The following PROCR variants were observed in gnomAD, a reference collection of about 807,000 sequenced individuals.
The protein encoded by PROCR is endothelial protein C receptor.
PROCR carries 22 observed loss-of-function variants against 24.2 expected under a neutral mutation model. The ratio of observed to expected loss-of-function variants is 0.91; its 90% CI spans 0.65 to 1.30. The LOEUF (loss-of-function observed/expected upper bound fraction) is 1.30. Among genes scored for constraint, PROCR ranks in the 50% most tolerant of loss-of-function variants. The pLI is 0.00. For synonymous variants in PROCR, 137 were observed against 139.2 expected, an observed-to-expected ratio of 0.98 and a Z score of 0.11; for missense variants, 288 against 307.7, an observed-to-expected ratio of 0.94 and a Z score of 0.48.
chr20:35,205,855 A>ATATACATATGTATACATGTATATATG (rs2060339735), intron 1 of PROCR, among the ~76,000 whole-genome samples: 1 of 143,582 alleles, frequency 7.0e-6, no homozygotes, highest in Non-Finnish European at 1.5e-5. Flanking sequence ...ACATGTATAC[A>ATATACATATGTATACATGTATATATG]TATACATATG....
At chr20:35,199,773 G>A (rs1196618419) in intron 1 of PROCR, among the ~76,000 whole-genome samples, 1 of 151,590 alleles carries the variant, frequency 6.6e-6, no homozygotes, top group Non-Finnish European at 1.5e-5. Flanking sequence ...ACATTTCATA[G>A]GCTAGAGCTG....
intron 1 of PROCR, among the ~76,000 whole-genome samples, chr20:35,211,056 C>T (rs1218550017): frequency 1.3e-5 from 2 of 152,068 alleles, no homozygotes; most frequent in African/African-American, 4.8e-5. Flanking sequence ...AAGAAAAAGT[C>T]GGCTTGGAGC....
rs1284592742 is a variant in PROCR, at chr20:35,175,577, C to CTTTTT, written c.323-591_323-590insTTTTT. Among the ~76,000 whole-genome samples the CTTTTT allele has an allele frequency of 7.0e-3, 360 of 51,194 alleles. 3 individuals carry two copies. The highest frequency in any genetic ancestry group is 0.025 in the African/African-American group (194 of 7,748). 33.6% of individuals were successfully genotyped at this position (51,194 alleles called of 152,430 possible). Reference sequence around the variant, plus strand: ...CTCTCCTAGTCCCCCACCCCACCCCCCTTTTTTTTTTTTTTTTTTTTTTTT... The same window carrying CTTTTT: ...CTCTCCTAGTCCCCCACCCCACCCCCTTTTTCTTTTTTTTTTTTTTTTTTTTTTTT... On this transcript the variant is annotated intron_variant, in intron 2 of 3. Coordinates refer to ENST00000216968, the MANE Select transcript of PROCR (RefSeq NM_006404.5).
chr20:35,207,526 T>C (rs2060347023), intron 1 of PROCR, among the ~76,000 whole-genome samples: 1 of 54,274 alleles, frequency 1.8e-5, no homozygotes, highest in African/African-American at 4.7e-5. Flanking sequence ...TAGTTAGGAC[T>C]GTTTTGTTTT....
At chr20:35,211,825 C>A (rs1349100691) in intron 1 of PROCR, among the ~76,000 whole-genome samples, 1 of 151,848 alleles carries the variant, frequency 6.6e-6, no homozygotes, top group Non-Finnish European at 1.5e-5. Context: ...ACCAGCCTGG[C>A]CAACATGGTG....
intron 2 of PROCR, among the ~76,000 whole-genome samples, 188 bp downstream of exon 2, chr20:35,175,141 G>A (rs1025068055): frequency 2.6e-5 from 4 of 151,882 alleles, no homozygotes; most frequent in Non-Finnish European, 5.9e-5. Context: ...AGTTGTCCCC[G>A]CTAAGAAAGC....
chr20:35,190,411 C>A (rs1417576752), intron 1 of PROCR, among the ~76,000 whole-genome samples: 1 of 152,230 alleles, frequency 6.6e-6, no homozygotes, highest in Admixed American at 6.5e-5. Flanking sequence ...TGATCTCTCT[C>A]AACATCAACG....
rs77174637 is a variant in PROCR at position 35,208,531 on chromosome 20, C to A, written c.95-7362C>A. On this transcript the variant is annotated intron_variant, in intron 1 of 1. Transcript: ENST00000634509. ...TTTATCTGAAGTTGCCCTTTTAATA[C>A]TGAGTACTGGACTCTCTCAGTATCC... Among the ~76,000 whole-genome samples, 802 of 152,284 alleles carry A rather than the reference C, an allele frequency of 5.3e-3. 11 individuals carry two copies. Among genetic ancestry groups the A allele is most frequent in the African/African-American group, 0.018 (761 of 41,556 alleles).
At chr20:35,173,423 CTTTTTTTTT>C (rs58785250) in intron 1 of PROCR, among the ~76,000 whole-genome samples, 3 of 88,152 alleles carry the variant, frequency 3.4e-5, no homozygotes, top group African/African-American at 1.2e-4. Flanking sequence ...TTTCTTTTTT[CTTTTTTTTT>C]TTTTTTTTTT....
At chr20:35,180,193 G>A (rs1049193213), downstream of PROCR, among the ~76,000 whole-genome samples, 1 of 152,120 alleles carries the variant, frequency 6.6e-6, no homozygotes, top group Non-Finnish European at 1.5e-5. Flanking sequence ...GTTGCAATGA[G>A]CTGAGATCTC....
chr20:35,208,983 TAAAC>T (rs1424753701), intron 1 of PROCR, among the ~76,000 whole-genome samples: 3 of 152,004 alleles, frequency 2.0e-5, no homozygotes, highest in Non-Finnish European at 4.4e-5. Flanking sequence ...AAAAAATAAA[TAAAC>T]AAATATTAAT....
Position 35,177,237 on chromosome 20 carries a change from AC to A in PROCR, c.*425del. On this transcript the variant is annotated 3_prime_UTR_variant, in exon 4 of 4. Coordinates refer to ENST00000216968, the MANE Select transcript of PROCR (RefSeq NM_006404.5). ...CCAGGTGTGTCAGACTTGGGATGGG[AC>A]GCTGATATAATAGGGTAGAAAGAAG... The A allele has an allele frequency of 1.9e-6, 2 of 1,059,204 alleles. No individual in the cohort carries two copies. Among genetic ancestry groups the A allele is most frequent in the Non-Finnish European group, 2.3e-6 (2 of 874,220 alleles). 65.6% of individuals were successfully genotyped at this position (1,059,204 alleles called of 1,614,324 possible).
chr20:35,205,399 A>AC (rs2060334208), intron 1 of PROCR, among the ~76,000 whole-genome samples: 3 of 139,268 alleles, frequency 2.2e-5, no homozygotes, highest in South Asian at 2.3e-4. Flanking sequence ...CCCATTCATG[A>AC]TAAAAAAAAA....
intron 1 of PROCR, among the ~76,000 whole-genome samples, chr20:35,212,771 C>A (rs981056411): frequency 1.3e-5 from 2 of 152,152 alleles, no homozygotes; most frequent in Non-Finnish European, 2.9e-5. Flanking sequence ...AGGATAAATT[C>A]TCAGAATTAG....
At position 35,174,763 on chromosome 20, in the gene PROCR, C is replaced by G; in HGVS notation, c.132C>G (p.Tyr44Ter). The G allele has an allele frequency of 1.9e-6, 3 of 1,614,062 alleles. No homozygotes were observed. Among genetic ancestry groups the G allele is most frequent in the East Asian group, 2.2e-5 (1 of 44,870 alleles). ...SYFRDPYHVWYQGNASLGGHL... is the reference protein window; with the variant it reads ...SYFRDPYHVW The stretch of plus-strand genomic sequence containing the variant: ...TCCGCGACCCCTATCACGTGTGGTA[C>G]CAGGGCAACGCGTCGCTGGGGGGAC... Residue 44 changes from tyrosine (Y) to a stop codon, truncating the protein, a stop_gained, in exon 2 of 4, where the codon TAC becomes TAG. Transcript: ENST00000216968. LOFTEE classifies it high-confidence loss of function.
intron 1 of PROCR, among the ~76,000 whole-genome samples, chr20:35,189,838 C>A (rs1483339926): frequency 1.3e-5 from 2 of 152,246 alleles, no homozygotes; most frequent in East Asian, 3.9e-4. Context: ...GTATCTACAA[C>A]AGTGCCAGGA....
intron 1 of PROCR, among the ~76,000 whole-genome samples, chr20:35,200,744 T>TCCAGCGATTCTCCTGCCTAG (rs983885873): frequency 2.6e-5 from 4 of 152,198 alleles, no homozygotes; most frequent in African/African-American, 9.6e-5. Flanking sequence ...CCTCCTGGGT[T>TCCAGCGATTCTCCTGCCTAG]CCAGCGATTC....
chr20:35,178,414 TA>T (rs374008630), downstream of PROCR, among the ~76,000 whole-genome samples: 117 of 49,824 alleles, frequency 2.3e-3, no homozygotes, highest in Middle Eastern at 0.033. Context: ...TTTTTAATTC[TA>T]AAAAAAAAAA....
At chr20:35,199,190 A>G (rs756898178) in intron 1 of PROCR, among the ~76,000 whole-genome samples, 2 of 152,208 alleles carry the variant, frequency 1.3e-5, no homozygotes, top group Non-Finnish European at 2.9e-5. Flanking sequence ...TTCTCTGCCT[A>G]TGCTCCATAA....
Sources: allele counts gnomAD v4.1 joint callset (sites outside exome capture counted in the v4.1 genomes callset), GRCh38; gene constraint gnomAD v4.1.1; transcripts MANE v1.5; gene names NCBI Gene and HGNC (gene_info 2026-07-23, HGNC 2026-07-21).